The following OPCML variants were observed in gnomAD, a reference collection of about 807,000 sequenced individuals.
OPCML encodes opioid binding protein/cell adhesion molecule like.
OPCML carries 13 observed loss-of-function variants against 37.8 expected under a neutral mutation model. That is an observed-to-expected ratio of 0.34 (90% confidence interval 0.22 to 0.55). The LOEUF (loss-of-function observed/expected upper bound fraction) is 0.55, where lower values mean the gene tolerates loss of function less well. Ranked by LOEUF, OPCML falls within the 20% of genes least tolerant of loss-of-function variation. OPCML has a pLI of 0.91. For synonymous variants in OPCML, 176 were observed against 168.8 expected (o/e 1.04, Z -0.33); for missense variants, 341 against 435.6 (o/e 0.78, Z 1.93).
At chr11:133,463,955 G>C (rs892776529) in intron 1 of OPCML, among the ~76,000 whole-genome samples, 11 of 150,830 alleles carry the variant, frequency 7.3e-5, no homozygotes, top group Non-Finnish European at 8.8e-5. Flanking sequence ...ACATATCTTT[G>C]TGTTCTATTA....
chr11:133,091,714 A>T (rs1948909498), intron 1 of OPCML, among the ~76,000 whole-genome samples: 1 of 152,152 alleles, frequency 6.6e-6, no homozygotes, highest in South Asian at 2.1e-4. Flanking sequence ...GTATTTCAAA[A>T]GCATATAATT....
intron 3 of OPCML, among the ~76,000 whole-genome samples, chr11:132,624,416 C>CT (rs911280869): frequency 3.3e-5 from 5 of 152,190 alleles, no homozygotes; most frequent in African/African-American, 1.2e-4. Context: ...CCGTTGGCCA[C>CT]TTTTTTCTTG....
At chr11:132,727,733 G>A (rs1225603714) in intron 2 of OPCML, among the ~76,000 whole-genome samples, 1 of 152,172 alleles carries the variant, frequency 6.6e-6, no homozygotes, top group African/African-American at 2.4e-5. Context: ...ATCTCCAGTC[G>A]GGAAAATACT....
intron 3 of OPCML, among the ~76,000 whole-genome samples, chr11:132,600,282 G>A (rs1937761058): frequency 6.6e-6 from 1 of 152,220 alleles, no homozygotes; most frequent in African/African-American, 2.4e-5. Flanking sequence ...CACTCGGGTG[G>A]ATATCTTTAA....
intron 1 of OPCML, among the ~76,000 whole-genome samples, chr11:133,136,542 T>A (rs1026049177): frequency 3.3e-5 from 5 of 152,006 alleles, no homozygotes; most frequent in African/African-American, 9.7e-5. Flanking sequence ...TGCTTCCTAA[T>A]GGGCTGGGTT....
chr11:132,780,170 A>C (rs867477924), intron 2 of OPCML, among the ~76,000 whole-genome samples: 74 of 152,208 alleles, frequency 4.9e-4, no homozygotes, highest in African/African-American at 1.6e-3. Flanking sequence ...ATAAAGGGTC[A>C]TGCACTTCTC....
intron 2 of OPCML, among the ~76,000 whole-genome samples, chr11:132,926,568 CTGA>C (rs1945001298): frequency 6.6e-6 from 1 of 152,108 alleles, no homozygotes; most frequent in Non-Finnish European, 1.5e-5. Flanking sequence ...TCACATCCTG[CTGA>C]TTAGTGAAGG....
At chr11:132,880,764 C>T (rs1943195865) in intron 2 of OPCML, among the ~76,000 whole-genome samples, 1 of 152,214 alleles carries the variant, frequency 6.6e-6, no homozygotes, top group Non-Finnish European at 1.5e-5. Flanking sequence ...TATTCTACTC[C>T]TTAAAATGAC....
In OPCML at chr11:133,414,779, G is replaced by A. The variant is rs139920888; in HGVS notation, c.61+117485C>T. Among the ~76,000 whole-genome samples, 423 of 152,206 alleles carry A rather than the reference G, an allele frequency of 2.8e-3. 3 individuals carry two copies. Among genetic ancestry groups the A allele is most frequent in the African/African-American group, 9.8e-3 (405 of 41,534 alleles). ...CGCGAACAGACTGTGCCATTTGAAA[G>A]CACTTCCCTGGTGTCTCTCAACCCC... On this transcript the variant is annotated intron_variant, in intron 1 of 7. Transcript: ENST00000524381.
chr11:133,315,623 T>A lies in OPCML; in HGVS notation c.61+216641A>T, dbSNP rs149564513. ...AGACCAGCCTGGTCAACATGGTGAA[T>A]CCCTGTCTCTACTAAAAATACAAAA... On this transcript the variant is annotated intron_variant, in intron 1 of 7. Transcript: ENST00000524381. Among the ~76,000 whole-genome samples, 1,004 of 152,226 alleles carry A rather than the reference T, an allele frequency of 6.6e-3. 2 individuals carry two copies. The highest frequency in any genetic ancestry group is 0.014 in the Middle Eastern group (4 of 294).
chr11:132,826,848 C>T (rs1029432087), intron 2 of OPCML, among the ~76,000 whole-genome samples: 1 of 152,134 alleles, frequency 6.6e-6, no homozygotes, highest in Non-Finnish European at 1.5e-5. Context: ...TATGAATACA[C>T]ACAAAGAGTA....
chr11:132,596,248 C>T (rs1219215036), intron 3 of OPCML, among the ~76,000 whole-genome samples: 3 of 152,110 alleles, frequency 2.0e-5, no homozygotes, highest in Non-Finnish European at 4.4e-5. Context: ...CATTATTATG[C>T]CTGGACAAAG....
chr11:133,480,658 T>C (rs1404797449), intron 1 of OPCML, among the ~76,000 whole-genome samples: 1 of 152,242 alleles, frequency 6.6e-6, no homozygotes, highest in Admixed American at 6.5e-5. Context: ...TTCTGACCCC[T>C]TTTCTGTAAA....
intron 1 of OPCML, among the ~76,000 whole-genome samples, chr11:133,457,516 G>A (rs758156877): frequency 6.6e-5 from 10 of 151,952 alleles, no homozygotes; most frequent in Non-Finnish European, 1.2e-4. Context: ...TCCAGTATGG[G>A]CAACAGAATG....
intron 2 of OPCML, among the ~76,000 whole-genome samples, chr11:132,848,156 A>G (rs1400789257): frequency 6.6e-6 from 1 of 152,264 alleles, no homozygotes; most frequent in Admixed American, 6.5e-5. Flanking sequence ...GTTTGTAAAC[A>G]TTCACATGTG....
At chr11:132,830,971 C>T (rs1940649359) in intron 2 of OPCML, among the ~76,000 whole-genome samples, 1 of 151,812 alleles carries the variant, frequency 6.6e-6, no homozygotes, top group Non-Finnish European at 1.5e-5. Context: ...TAGAATATGT[C>T]TATGTGAGGC....
At chr11:132,423,449 A>T (rs976181102) in intron 7 of OPCML, among the ~76,000 whole-genome samples, 1 of 152,218 alleles carries the variant, frequency 6.6e-6, no homozygotes, top group African/African-American at 2.4e-5. Context: ...GCTGGGCCAA[A>T]TGCCAATGCG....
intron 4 of OPCML, among the ~76,000 whole-genome samples, chr11:132,488,754 G>A (rs2096207467): frequency 6.6e-6 from 1 of 152,156 alleles, no homozygotes; most frequent in African/African-American, 2.4e-5. Context: ...CTTAGAAAAT[G>A]TTTATTTTAA....
chr11:133,039,277 C>T (rs558815202), intron 1 of OPCML, among the ~76,000 whole-genome samples: 3 of 152,318 alleles, frequency 2.0e-5, no homozygotes, highest in South Asian at 2.1e-4. Flanking sequence ...CCTGCCCTCA[C>T]GTTTCCTTCT....
Sources: gnomAD v4.1 joint callset for allele counts (sites outside exome capture counted in the v4.1 genomes callset) on GRCh38, gnomAD v4.1.1 for gene constraint, MANE v1.5 for transcripts, NCBI Gene and HGNC (gene_info 2026-07-23, HGNC 2026-07-21) for gene names.